The following ZFPM2 variants were observed in gnomAD, a reference collection of about 807,000 sequenced individuals.
The protein encoded by ZFPM2 is zinc finger protein ZFPM2.
Under a neutral mutation model 98.6 loss-of-function variants are expected in ZFPM2, and 20 were observed. The ratio of observed to expected loss-of-function variants is 0.20; its 90% CI spans 0.14 to 0.29. The LOEUF (loss-of-function observed/expected upper bound fraction) is 0.29, where lower values mean the gene tolerates loss of function less well. Ranked by LOEUF, ZFPM2 falls within the 10% of genes least tolerant of loss-of-function variation. The probability of loss-of-function intolerance (pLI) is 1.00; values close to 1 mark genes in which losing one functional copy is unlikely to be tolerated. For synonymous variants in ZFPM2, 518 were observed against 502.7 expected, an observed-to-expected ratio of 1.03 and a Z score of -0.41; for missense variants, 1,310 against 1,388.6, an observed-to-expected ratio of 0.94 and a Z score of 0.90.
chr8:105,367,163 C>T (rs1233077181), intron 1 of ZFPM2, among the ~76,000 whole-genome samples: 1 of 101,440 alleles, frequency 9.9e-6, no homozygotes. Flanking sequence ...TAGCGTGATG[C>T]CTCCAGCTTT....
intron 1 of ZFPM2, among the ~76,000 whole-genome samples, chr8:105,327,240 A>G (rs530486854): frequency 3.0e-4 from 46 of 151,818 alleles, no homozygotes; most frequent in African/African-American, 1.1e-3. Flanking sequence ...TTTCAGTAAT[A>G]ATCTCTAAAA....
rs569109200 is a variant in ZFPM2 at position 105,467,322 on chromosome 8, G to GA, written c.301+22942dup. ...ATCCTCAGCTTTCCCACAAGCAAAT[G>GA]AGGATGATAATATCTACTACTGTGC... is the stretch of plus-strand genomic sequence containing the variant. On this transcript the variant is annotated intron_variant, in intron 3 of 7. Coordinates refer to ENST00000407775, the MANE Select transcript of ZFPM2 (RefSeq NM_012082.4). 1.6e-4 allele frequency among the ~76,000 whole-genome samples: 24 copies of GA among 152,216 alleles called. No individual in the cohort carries two copies. In the East Asian group the frequency reaches 4.6e-3, roughly 29 times the overall value.
At chr8:105,437,331 G>A (rs1026765829) in intron 2 of ZFPM2, among the ~76,000 whole-genome samples, 7 of 152,142 alleles carry the variant, frequency 4.6e-5, no homozygotes, top group South Asian at 2.1e-4. Context: ...ATCATTCAAT[G>A]AATCTAGGTT....
chr8:105,747,696 T>C (rs1812380298), intron 5 of ZFPM2, among the ~76,000 whole-genome samples: 1 of 152,084 alleles, frequency 6.6e-6, no homozygotes, highest in South Asian at 2.1e-4. Context: ...GGCTCTGTGC[T>C]TGGATTTTCA....
intron 3 of ZFPM2, among the ~76,000 whole-genome samples, chr8:105,528,044 G>C (rs1323855850): frequency 6.6e-6 from 1 of 152,114 alleles, no homozygotes; most frequent in Non-Finnish European, 1.5e-5. Context: ...TCTGCAGAAG[G>C]GGAGATAGAA....
chr8:105,761,000 A>C (rs1812723403), intron 5 of ZFPM2, among the ~76,000 whole-genome samples: 1 of 152,068 alleles, frequency 6.6e-6, no homozygotes, highest in Non-Finnish European at 1.5e-5. Flanking sequence ...GCAATTATGC[A>C]AAATCACATA....
chr8:105,634,545 A>G (rs1460273221), intron 5 of ZFPM2, among the ~76,000 whole-genome samples, 188 bp downstream of exon 5: 2 of 151,582 alleles, frequency 1.3e-5, no homozygotes, highest in African/African-American at 4.8e-5. Flanking sequence ...GTACAACATG[A>G]AACAAAAAGT....
chr8:105,698,326 T>C (rs1372298320), intron 5 of ZFPM2, among the ~76,000 whole-genome samples: 10 of 152,068 alleles, frequency 6.6e-5, no homozygotes, highest in African/African-American at 2.2e-4. Context: ...AGAGAAGGGG[T>C]ATCATCCATG....
chr8:105,348,795 A>G (rs545450364), intron 1 of ZFPM2, among the ~76,000 whole-genome samples: 3 of 152,298 alleles, frequency 2.0e-5, no homozygotes, highest in African/African-American at 7.2e-5. Context: ...TTAGAGAAAA[A>G]GACAACTAGG....
At chr8:105,412,692 T>C (rs930393463) in intron 1 of ZFPM2, among the ~76,000 whole-genome samples, 3 of 151,718 alleles carry the variant, frequency 2.0e-5, no homozygotes, top group Non-Finnish European at 4.4e-5. Context: ...TTTTTTAGAC[T>C]ACAGAAATAA....
intron 5 of ZFPM2, among the ~76,000 whole-genome samples, chr8:105,667,296 A>G (rs1437127785): frequency 6.6e-6 from 1 of 152,198 alleles, no homozygotes; most frequent in East Asian, 1.9e-4. Flanking sequence ...ATTAGTGGTG[A>G]TAGTAGTGAA....
At chr8:105,345,125 T>C (rs1812495047) in intron 1 of ZFPM2, among the ~76,000 whole-genome samples, 1 of 152,178 alleles carries the variant, frequency 6.6e-6, no homozygotes, top group South Asian at 2.1e-4. Flanking sequence ...TTTTATATTT[T>C]AGTGATAAAA....
intron 3 of ZFPM2, among the ~76,000 whole-genome samples, chr8:105,451,926 A>G (rs918004371): frequency 8.5e-5 from 13 of 152,194 alleles, no homozygotes; most frequent in Non-Finnish European, 1.8e-4. Context: ...ACAAAAATAT[A>G]TTATTTCTAT....
intron 1 of ZFPM2, among the ~76,000 whole-genome samples, chr8:105,369,575 C>T (rs1041798006): frequency 4.6e-5 from 7 of 152,018 alleles, no homozygotes; most frequent in South Asian, 2.1e-4. Context: ...ATCCATTAGA[C>T]GTAGGATTCA....
At chr8:105,529,290 C>T (rs558974389) in intron 3 of ZFPM2, among the ~76,000 whole-genome samples, 109 of 152,190 alleles carry the variant, frequency 7.2e-4, no homozygotes, top group African/African-American at 2.4e-3. Context: ...CCTACTTCTA[C>T]ATGCAGTCAC....
chr8:105,739,359 C>T (rs911312710), intron 5 of ZFPM2, among the ~76,000 whole-genome samples: 1 of 151,948 alleles, frequency 6.6e-6, no homozygotes, highest in African/African-American at 2.4e-5. Flanking sequence ...AATCTGTTTC[C>T]CCGAATTGTT....
intron 5 of ZFPM2, among the ~76,000 whole-genome samples, chr8:105,669,598 A>C (rs1223928964): frequency 2.6e-5 from 4 of 151,462 alleles, no homozygotes; most frequent in Non-Finnish European, 5.9e-5. Context: ...ATCTGGTTGA[A>C]TCCATCATTG....
intron 1 of ZFPM2, among the ~76,000 whole-genome samples, chr8:105,359,585 A>C (rs1056592896): frequency 2.0e-5 from 3 of 151,980 alleles, no homozygotes; most frequent in African/African-American, 7.2e-5. Context: ...CGTGTTAGCC[A>C]GGATGGTCTT....
At chr8:105,710,136 A>T (rs888495633) in intron 5 of ZFPM2, among the ~76,000 whole-genome samples, 3 of 151,576 alleles carry the variant, frequency 2.0e-5, no homozygotes, top group African/African-American at 7.3e-5. Flanking sequence ...CAACTGAGAT[A>T]AAAAAAACTT....
Sources: gnomAD v4.1 joint callset for allele counts (sites outside exome capture counted in the v4.1 genomes callset) on GRCh38, gnomAD v4.1.1 for gene constraint, MANE v1.5 for transcripts, NCBI Gene and HGNC (gene_info 2026-07-23, HGNC 2026-07-21) for gene names.